Variants in PARP11 observed in about 807,000 individuals in gnomAD.
PARP11 encodes the protein protein mono-ADP-ribosyltransferase PARP11.
In PARP11, 31 loss-of-function variants were observed where a neutral mutation model predicts 42.9. The ratio of observed to expected loss-of-function variants is 0.72; its 90% confidence interval spans 0.54 to 0.98. The LOEUF (loss-of-function observed/expected upper bound fraction) is 0.98, where lower values mean the gene tolerates loss of function less well. Among genes scored for constraint, PARP11 ranks in the 50% least tolerant of loss-of-function variants. The probability of loss-of-function intolerance (pLI) is 0.00; values close to 1 mark genes in which losing one functional copy is unlikely to be tolerated. For missense variants in PARP11, 365 were observed against 413.1 expected, an observed-to-expected ratio of 0.88 and a Z score of 1.01; for synonymous variants, 137 against 127.3, an observed-to-expected ratio of 1.08 and a Z score of -0.51.
intron 1 of PARP11, among the ~76,000 whole-genome samples, chr12:3,847,471 A>G (rs1948025965): frequency 6.6e-6 from 1 of 152,220 alleles, no homozygotes; most frequent in Non-Finnish European, 1.5e-5. Context: ...ATCATTCACC[A>G]TGATCAAGTG....
At chr12:3,868,762 G>A (rs928659043) in intron 1 of PARP11, among the ~76,000 whole-genome samples, 4 of 152,188 alleles carry the variant, frequency 2.6e-5, no homozygotes, top group South Asian at 4.2e-4. Context: ...AGTCACCTTC[G>A]TCTCTACCCT....
At chr12:3,814,865 A>T in intron 6 of PARP11, 1 of 272,522 alleles carries the variant, frequency 3.7e-6, no homozygotes, top group Non-Finnish European at 7.4e-6. Flanking sequence ...AGTAAATCTT[A>T]AAAAATAATA....
intron 1 of PARP11, chr12:3,839,551 G>C: frequency 6.5e-7 from 1 of 1,540,038 alleles, no homozygotes; most frequent in Non-Finnish European, 9.0e-7. Flanking sequence ...AGCGATTATA[G>C]GAGGATCATT....
At chr12:3,862,252 A>G (rs975961676) in intron 1 of PARP11, among the ~76,000 whole-genome samples, 19 of 152,094 alleles carry the variant, frequency 1.2e-4, no homozygotes, top group Admixed American at 1.2e-3. Context: ...CAGTAGTTTG[A>G]GACTAGCCTG....
chr12:3,860,225 A>G (rs1193132046), intron 1 of PARP11, among the ~76,000 whole-genome samples: 1 of 152,222 alleles, frequency 6.6e-6, no homozygotes, highest in East Asian at 1.9e-4. Flanking sequence ...TTTGAAATGA[A>G]AAAATAGTAG....
chr12:3,813,022 C>T (rs1224934458), intron 7 of PARP11, among the ~76,000 whole-genome samples: 1 of 152,162 alleles, frequency 6.6e-6, no homozygotes, highest in Non-Finnish European at 1.5e-5. Flanking sequence ...CCAGGCTGAT[C>T]TTGAACTCTT....
chr12:3,839,189 GAGCCCGAGCCCC>G (rs1240610513), intron 1 of PARP11, among the ~76,000 whole-genome samples: 1 of 149,524 alleles, frequency 6.7e-6, no homozygotes, highest in Non-Finnish European at 1.5e-5. Flanking sequence ...GCCGCTCGCG[GAGCCCGAGCCCC>G]AGCCCGAGCC....
At chr12:3,835,276 G>GT (rs1947735284) in intron 1 of PARP11, among the ~76,000 whole-genome samples, 1 of 152,182 alleles carries the variant, frequency 6.6e-6, no homozygotes, top group South Asian at 2.1e-4. Context: ...TGCCACATAA[G>GT]TAGTCAGGTT....
chr12:3,839,407 C>T (rs1947841900), intron 1 of PARP11: 4 of 1,575,474 alleles, frequency 2.5e-6, no homozygotes, highest in South Asian at 1.1e-5. Flanking sequence ...GGGCTTGTAT[C>T]GGAAACTGGT....
At chr12:3,837,254 TA>T (rs1947786237) in intron 1 of PARP11, among the ~76,000 whole-genome samples, 1 of 152,150 alleles carries the variant, frequency 6.6e-6, no homozygotes, top group African/African-American at 2.4e-5. Flanking sequence ...GGCAGTGTCC[TA>T]ATTATTTACT....
intron 6 of PARP11, among the ~76,000 whole-genome samples, chr12:3,819,731 C>T (rs185794053): frequency 4.6e-5 from 7 of 152,302 alleles, no homozygotes; most frequent in African/African-American, 9.6e-5. Context: ...CGTGGTCTAG[C>T]CCCCGCTAAC....
At chr12:3,842,059 C>T (rs1409676718) in intron 1 of PARP11, 7 of 1,608,224 alleles carry the variant, frequency 4.4e-6, no homozygotes, top group Non-Finnish European at 6.0e-6. Flanking sequence ...AAAGGCTCAC[C>T]CTCCCACTCA....
At chr12:3,846,716 C>T (rs55807338) in intron 1 of PARP11, among the ~76,000 whole-genome samples, 6,280 of 150,348 alleles carry the variant, frequency 0.042, 155 homozygotes, top group South Asian at 0.11. Flanking sequence ...AAGATTGCGC[C>T]ACTGCACTCC....
chr12:3,860,563 G>T (rs74056010), intron 1 of PARP11, among the ~76,000 whole-genome samples: 11,905 of 152,176 alleles, frequency 0.078, 1,035 homozygotes, highest in African/African-American at 0.21. Flanking sequence ...AAGATTTCAT[G>T]GAACTTGCTC....
At chr12:3,815,393 T>A (rs1947265032) in intron 6 of PARP11, among the ~76,000 whole-genome samples, 1 of 152,206 alleles carries the variant, frequency 6.6e-6, no homozygotes, top group Non-Finnish European at 1.5e-5. Flanking sequence ...GTTATTCTCT[T>A]ATGAACATTA....
intron 1 of PARP11, chr12:3,872,864 T>G: frequency 1.1e-6 from 1 of 941,600 alleles, no homozygotes. Flanking sequence ...AGACGGAGGT[T>G]GCGGTGGGCC....
chr12:3,842,556 G>C (rs958267882), intron 1 of PARP11: 15 of 1,386,800 alleles, frequency 1.1e-5, no homozygotes, highest in Middle Eastern at 1.8e-4. Flanking sequence ...AAACTCTTAG[G>C]TGGAATGTTT....
At chr12:3,873,187 C>CA in intron 1 of PARP11, 25 bp downstream of exon 1, 1 of 1,536,092 alleles carries the variant, frequency 6.5e-7, no homozygotes, top group Non-Finnish European at 8.8e-7. Flanking sequence ...CCCCTGGGCC[C>CA]GCCCCGTCCC....
At chr12:3,816,254 G>T (rs992146892) in intron 6 of PARP11, among the ~76,000 whole-genome samples, 1 of 152,050 alleles carries the variant, frequency 6.6e-6, no homozygotes, top group African/African-American at 2.4e-5. Context: ...ATCTTCCAAG[G>T]TCTTTCTGAC....
Sources: gnomAD v4.1 joint callset for allele counts (sites outside exome capture counted in the v4.1 genomes callset) on GRCh38, gnomAD v4.1.1 for gene constraint, MANE v1.5 for transcripts, NCBI Gene and HGNC (gene_info 2026-07-23, HGNC 2026-07-21) for gene names.